ADRA1A: variants seen among roughly 807,000 people sequenced by gnomAD.
The protein encoded by ADRA1A is alpha-1A adrenergic receptor.
Under a neutral mutation model 29.6 loss-of-function variants are expected in ADRA1A, and 31 were observed. The ratio of observed to expected loss-of-function variants is 1.05; its 90% CI spans 0.79 to 1.41. The LOEUF is 1.41. Ranked by LOEUF, ADRA1A falls within the 40% of genes most tolerant of loss-of-function variation. The pLI is 0.00. For synonymous variants in ADRA1A, 311 were observed against 254.3 expected (o/e 1.22, Z -2.12); for missense variants, 619 against 601.1 (o/e 1.03, Z -0.31).
chr8:26,800,316 A>G (rs2130476498), intron 2 of ADRA1A, among the ~76,000 whole-genome samples: 1 of 152,270 alleles, frequency 6.6e-6, no homozygotes, highest in South Asian at 2.1e-4. Context: ...CATTAAAGAC[A>G]GACTAATAGA....
At chr8:26,754,202 T>C (rs1563226837), downstream of ADRA1A, among the ~76,000 whole-genome samples, 1 of 152,166 alleles carries the variant, frequency 6.6e-6, no homozygotes, top group African/African-American at 2.4e-5. Flanking sequence ...TTGAAGCCAT[T>C]GTAGTCAGCC....
At chr8:26,792,025 G>A (rs1351398568) in intron 2 of ADRA1A, among the ~76,000 whole-genome samples, 2 of 152,024 alleles carry the variant, frequency 1.3e-5, no homozygotes, top group South Asian at 2.1e-4. Context: ...TTTCCCTAAG[G>A]ACAAGGAGCA....
chr8:26,839,410 G>A (rs535229944), intron 2 of ADRA1A, among the ~76,000 whole-genome samples: 49 of 151,994 alleles, frequency 3.2e-4, no homozygotes, highest in Non-Finnish European at 5.9e-4. Context: ...CACCTGCCTC[G>A]GCCCCCCAAA....
At chr8:26,773,691 A>G (rs1188443816) in intron 2 of ADRA1A, among the ~76,000 whole-genome samples, 1 of 152,232 alleles carries the variant, frequency 6.6e-6, no homozygotes, top group East Asian at 1.9e-4. Flanking sequence ...GGAATTTCCC[A>G]TAATTCCTTC....
At chr8:26,843,050 A>T (rs1258904993) in intron 2 of ADRA1A, among the ~76,000 whole-genome samples, 3 of 152,162 alleles carry the variant, frequency 2.0e-5, no homozygotes, top group Admixed American at 2.0e-4. Flanking sequence ...CTCTATGGAA[A>T]CTTCCCTAAT....
In ADRA1A at chr8:26,769,971, C is replaced by T. The variant is rs1361398690; in HGVS notation, c.*178G>A. 13 of 1,402,406 alleles carry T rather than the reference C, an allele frequency of 9.3e-6. No homozygotes were observed. The highest frequency in any genetic ancestry group is 1.2e-5 in the Non-Finnish European group (13 of 1,082,620). The allele number at this position is 1,402,406 out of a possible 1,614,324, so 86.9% of individuals were successfully genotyped here. A position where few individuals can be genotyped will look rare whatever the true frequency, so the allele number is the denominator to read the frequency against. ...CTGAACTGGTTGGTTGTGAGACACCCTCCCTCTTCCCTGTGCCCTACCCGC... is the reference window on the plus strand; with the variant it reads ...CTGAACTGGTTGGTTGTGAGACACCTTCCCTCTTCCCTGTGCCCTACCCGC... On this transcript the variant is annotated 3_prime_UTR_variant, in exon 3 of 3. Coordinates refer to ENST00000380573, the MANE Select transcript of ADRA1A (RefSeq NM_000680.4).
downstream of ADRA1A, chr8:26,766,230 G>T (rs554624631): frequency 2.0e-6 from 2 of 988,828 alleles, no homozygotes; most frequent in African/African-American, 1.6e-5. Context: ...TTTTTAAAAG[G>T]GATGTACTTC....
At chr8:26,809,113 T>C (rs111589515) in intron 2 of ADRA1A, among the ~76,000 whole-genome samples, 4,930 of 152,348 alleles carry the variant, frequency 0.032, 80 homozygotes, top group Middle Eastern at 0.099. Context: ...AAAAAATTGT[T>C]GAATTTATCT....
At chr8:26,855,947 T>C (rs1813015199) in intron 2 of ADRA1A, among the ~76,000 whole-genome samples, 1 of 152,212 alleles carries the variant, frequency 6.6e-6, no homozygotes, top group South Asian at 2.1e-4. Context: ...ATGACTTTGT[T>C]ACTAAGTGAC....
At chr8:26,789,178 A>G (rs1250459815) in intron 2 of ADRA1A, among the ~76,000 whole-genome samples, 1 of 152,106 alleles carries the variant, frequency 6.6e-6, no homozygotes, top group Non-Finnish European at 1.5e-5. Context: ...TTCATATGGA[A>G]CCACAAAAGA....
At chr8:26,808,065 T>A (rs1809128891) in intron 2 of ADRA1A, among the ~76,000 whole-genome samples, 1 of 152,240 alleles carries the variant, frequency 6.6e-6, no homozygotes, top group South Asian at 2.1e-4. Context: ...TGTAACAAAT[T>A]ATACCCTAAG....
chr8:26,808,616 T>C (rs62492226), intron 2 of ADRA1A, among the ~76,000 whole-genome samples: 8,641 of 152,246 alleles, frequency 0.057, 238 homozygotes, highest in Middle Eastern at 0.088. Flanking sequence ...AACTCTAAAC[T>C]TGACCTCATT....
chr8:26,757,123 T>G (rs1805213116), intron 2 of ADRA1A: 2 of 702,484 alleles, frequency 2.8e-6, no homozygotes, highest in Non-Finnish European at 5.2e-6. Flanking sequence ...TCCAGAAGAC[T>G]GAAATAGCCA....
At chr8:26,771,182 C>T (rs1185737481) in intron 2 of ADRA1A, among the ~76,000 whole-genome samples, 1 of 152,188 alleles carries the variant, frequency 6.6e-6, no homozygotes, top group East Asian at 1.9e-4. Flanking sequence ...CAACTTTACA[C>T]AATATTGGCC....
At chr8:26,861,104 G>T (rs111339564) in intron 2 of ADRA1A, among the ~76,000 whole-genome samples, 1 of 152,208 alleles carries the variant, frequency 6.6e-6, no homozygotes, top group Non-Finnish European at 1.5e-5. Context: ...GCCAAATCTA[G>T]TGTTGGCTCC....
chr8:26,803,156 G>C (rs1808716596), intron 2 of ADRA1A, among the ~76,000 whole-genome samples: 1 of 151,724 alleles, frequency 6.6e-6, no homozygotes, highest in South Asian at 2.1e-4. Flanking sequence ...ATGATATCTA[G>C]TATTTGATAG....
In ADRA1A at chr8:26,866,243, C is replaced by G. The variant is rs1304231922; in HGVS notation, c.-686-588G>C. 6.6e-6 allele frequency among the ~76,000 whole-genome samples: 1 copy of G among 152,196 alleles called. No individual in the cohort carries two copies. Among genetic ancestry groups the G allele is most frequent in the Non-Finnish European group, 1.5e-5 (1 of 68,024 alleles). ...CCACCAGCCAAGCTGGCTTGAGAGC[C>G]AGGTCCCGAGCGAAGCCGGGAGGGA... On this transcript the variant is annotated intron_variant, in intron 1 of 2. Transcript: ENST00000380573. The surrounding 1 kb of genome is among the most constrained non-coding windows in gnomAD (Gnocchi z 5.7).
chr8:26,849,171 C>G (rs1812432696), intron 2 of ADRA1A, among the ~76,000 whole-genome samples: 2 of 152,184 alleles, frequency 1.3e-5, no homozygotes, highest in South Asian at 2.1e-4. Context: ...TTAGGACCAG[C>G]CTGAATAAAA....
intron 2 of ADRA1A, among the ~76,000 whole-genome samples, chr8:26,788,430 T>C (rs1466161469): frequency 1.3e-5 from 2 of 152,172 alleles, no homozygotes; most frequent in Non-Finnish European, 2.9e-5. Flanking sequence ...ACATAATTTT[T>C]GAAAAAGAGT....
Sources: allele counts gnomAD v4.1 joint callset (sites outside exome capture counted in the v4.1 genomes callset), GRCh38; gene constraint gnomAD v4.1.1; non-coding constraint Gnocchi (gnomAD v3.1); transcripts MANE v1.5; gene names NCBI Gene and HGNC (gene_info 2026-07-23, HGNC 2026-07-21).